AP1S3: variants seen among roughly 807,000 people sequenced by gnomAD.
The protein encoded by AP1S3 is adaptor related protein complex 1 subunit sigma 3, also known as AP-1 complex subunit sigma-3.
AP1S3 carries 10 observed loss-of-function variants against 20.9 expected under a neutral mutation model. The observed-to-expected ratio is 0.48, with a 90% confidence interval of 0.29 to 0.81. The LOEUF (loss-of-function observed/expected upper bound fraction) is 0.81, where lower values mean the gene tolerates loss of function less well. Ranked by LOEUF, AP1S3 falls within the 30% of genes least tolerant of loss-of-function variation. The pLI is 0.08. For missense variants in AP1S3, 154 were observed against 183.8 expected (o/e 0.84, Z 0.94); for synonymous variants, 41 against 61.5 (o/e 0.67, Z 1.56).
At chr2:223,764,962 T>C in intron 4 of AP1S3, 1 of 474,718 alleles carries the variant, frequency 2.1e-6, no homozygotes, top group Non-Finnish European at 3.6e-6. Flanking sequence ...ATTCCACACT[T>C]CCTGTGTGAA....
At chr2:223,780,981 C>G (rs1473686245) in intron 1 of AP1S3, among the ~76,000 whole-genome samples, 1 of 151,716 alleles carries the variant, frequency 6.6e-6, no homozygotes, top group African/African-American at 2.4e-5. Context: ...TGTATTGCTG[C>G]CATCTTTATG....
At chr2:223,789,189 CACACACAT>C (rs1217124818) in intron 1 of AP1S3, among the ~76,000 whole-genome samples, 12 of 151,080 alleles carry the variant, frequency 7.9e-5, no homozygotes, top group East Asian at 1.9e-4. Context: ...CAAATTGCTA[CACACACAT>C]ACACACATAC....
At chr2:223,813,236 C>A (rs1340135514) in intron 1 of AP1S3, among the ~76,000 whole-genome samples, 1 of 152,152 alleles carries the variant, frequency 6.6e-6, no homozygotes, top group East Asian at 1.9e-4. Context: ...AGTGAGCCAC[C>A]ATGCCTGGCC....
rs527671959 is a variant in AP1S3, at chr2:223,828,058, TAAAAAAAAAAAAAAAAAAAAAA to T, written c.3+9368_3+9389del. Among the ~76,000 whole-genome samples the T allele has an allele frequency of 9.8e-3, 927 of 94,786 alleles. 44 individuals carry two copies. Among genetic ancestry groups the T allele is most frequent in the African/African-American group, 0.032 (819 of 25,506 alleles). The allele number at this position is 94,786 out of a possible 152,430, so 62.2% of individuals were successfully genotyped here. ...TGGGGTACAAGAGCAAGACTTCATC[TAAAAAAAAAAAAAAAAAAAAAA>T]AAAAAAAAAAAAAGAAGAAGAAGAA... On this transcript the variant is annotated intron_variant, in intron 1 of 4. Coordinates refer to ENST00000396654, the MANE Select transcript of AP1S3 (RefSeq NM_001039569.2).
At chr2:223,769,795 G>C (rs897974491) in intron 3 of AP1S3, among the ~76,000 whole-genome samples, 9 of 138,116 alleles carry the variant, frequency 6.5e-5, no homozygotes, top group Non-Finnish European at 9.1e-5. Context: ...CCAGGCTGGA[G>C]TGCAGTGGCG....
chr2:223,816,299 G>A (rs1455433862), intron 1 of AP1S3, among the ~76,000 whole-genome samples: 1 of 151,578 alleles, frequency 6.6e-6, no homozygotes, highest in African/African-American at 2.4e-5. Context: ...CGCTATGACA[G>A]ATAGTGGGCA....
chr2:223,761,617 G>C (rs1690356867), intron 4 of AP1S3, among the ~76,000 whole-genome samples: 1 of 152,148 alleles, frequency 6.6e-6, no homozygotes, highest in Non-Finnish European at 1.5e-5. Context: ...TAGAGACAAG[G>C]TTCTCACTAT....
At chr2:223,836,889 C>G (rs1692414202) in intron 1 of AP1S3, among the ~76,000 whole-genome samples, 1 of 152,156 alleles carries the variant, frequency 6.6e-6, no homozygotes, top group Admixed American at 6.5e-5. Flanking sequence ...ACAAGGCCTT[C>G]TCCCCTCCGC....
At chr2:223,767,382 T>A (rs772589279) in intron 3 of AP1S3, among the ~76,000 whole-genome samples, 2 of 152,126 alleles carry the variant, frequency 1.3e-5, no homozygotes, top group Non-Finnish European at 2.9e-5. Flanking sequence ...ACTCCTTGGA[T>A]AATTTATCTC....
chr2:223,802,240 G>T (rs1691485518), intron 1 of AP1S3, among the ~76,000 whole-genome samples: 1 of 152,010 alleles, frequency 6.6e-6, no homozygotes, highest in Non-Finnish European at 1.5e-5. Flanking sequence ...AAGGAAGGAG[G>T]GGAGGAAGGT....
chr2:223,802,011 G>A (rs1691478719), intron 1 of AP1S3, among the ~76,000 whole-genome samples: 1 of 152,162 alleles, frequency 6.6e-6, no homozygotes, highest in East Asian at 1.9e-4. Context: ...AGATATCTGA[G>A]GCCATCTAAC....
intron 1 of AP1S3, among the ~76,000 whole-genome samples, chr2:223,815,700 T>C (rs148971929): frequency 3.4e-3 from 517 of 152,348 alleles, no homozygotes; most frequent in Non-Finnish European, 5.7e-3. Context: ...TTCCACAGAA[T>C]ATAATACAGT....
intron 4 of AP1S3, among the ~76,000 whole-genome samples, chr2:223,764,884 GC>G (rs1690439812): frequency 6.6e-6 from 1 of 152,138 alleles, no homozygotes; most frequent in Non-Finnish European, 1.5e-5. Flanking sequence ...AATGTGAAGA[GC>G]AAAGACTCTA....
rs1690218412 is a variant in AP1S3 at position 223,756,386 on chromosome 2, G to GAGGA, written c.*2325_*2328dup. On this transcript the variant is annotated 3_prime_UTR_variant, in exon 5 of 5. Coordinates refer to ENST00000396654, the MANE Select transcript of AP1S3 (RefSeq NM_001039569.2). ...AAAAGAAAGAAAGAAAGGAGGGAGG[G>GAGGA]AGGAAGGGAAGGAAGGAAGGGAGGG... The GAGGA allele has an allele frequency of 2.8e-6, 1 of 356,638 alleles. No individual in the cohort carries two copies. The highest frequency in any genetic ancestry group is 2.3e-5 in the African/African-American group (1 of 42,860). The allele number at this position is 356,638 out of a possible 1,614,324, so 22.1% of individuals were successfully genotyped here. A position where few individuals can be genotyped will look rare whatever the true frequency, so the allele number is the denominator to read the frequency against.
intron 1 of AP1S3, among the ~76,000 whole-genome samples, chr2:223,801,268 T>G (rs1158886146): frequency 6.6e-6 from 1 of 152,162 alleles, no homozygotes; most frequent in Non-Finnish European, 1.5e-5. Context: ...GTTAAGTACC[T>G]TGTTCCAGAT....
rs1257506417 is a variant in AP1S3, at chr2:223,758,021, T to C, written c.*694A>G. ...ATATATAGTTCATAGAAAACCTTAT[T>C]GGAATGTCCCTTATATTCAATTAAA... On this transcript the variant is annotated 3_prime_UTR_variant, in exon 5 of 5. Transcript: ENST00000396654. The C allele has an allele frequency of 1.0e-6, 1 of 975,774 alleles. No individual in the cohort carries two copies. Among genetic ancestry groups the C allele is most frequent in the African/African-American group, 1.8e-5 (1 of 57,000 alleles). 60.4% of individuals were successfully genotyped at this position (975,774 alleles called of 1,614,324 possible). A position where few individuals can be genotyped will look rare whatever the true frequency, so the allele number is the denominator to read the frequency against.
intron 1 of AP1S3, among the ~76,000 whole-genome samples, chr2:223,825,836 G>C (rs1692115052): frequency 6.6e-6 from 1 of 152,092 alleles, no homozygotes. Flanking sequence ...GGCCAACATG[G>C]GGAAACCCCA....
rs1457664465 is a variant in AP1S3 at position 223,824,124 on chromosome 2, T to C, written c.3+13324A>G. 1.2e-4 allele frequency among the ~76,000 whole-genome samples: 19 copies of C among 152,216 alleles called. No homozygotes were observed. The East Asian group carries it at 3.7e-3, about 29-fold the overall frequency. On this transcript the variant is annotated intron_variant, in intron 1 of 4. Transcript: ENST00000396654. ...TTCCCACCTGAGCCTCCTGAGTAGC[T>C]GGGACTACAGGCATGCATCACCACA...
At chr2:223,770,726 C>CTTTTTTTTTTTTTTTTTTT (rs1194728092) in intron 3 of AP1S3, among the ~76,000 whole-genome samples, 1 of 76,630 alleles carries the variant, frequency 1.3e-5, no homozygotes, top group African/African-American at 8.8e-5. Context: ...TAGACCAGTT[C>CTTTTTTTTTTTTTTTTTTT]ATTTTTTTTT....
Sources: allele counts gnomAD v4.1 joint callset (sites outside exome capture counted in the v4.1 genomes callset), GRCh38; gene constraint gnomAD v4.1.1; transcripts MANE v1.5; gene names NCBI Gene and HGNC (gene_info 2026-07-23, HGNC 2026-07-21).